LYPD8: variants seen among roughly 807,000 people sequenced by gnomAD.
LYPD8 encodes the protein ly6/PLAUR domain-containing protein 8.
In LYPD8, 8 loss-of-function variants were observed where a neutral mutation model predicts 1.7. The ratio of observed to expected loss-of-function variants is 4.58; its 90% CI spans 2.69 to 8.27. The LOEUF (loss-of-function observed/expected upper bound fraction) is 8.27, where lower values mean the gene tolerates loss of function less well. Ranked by LOEUF, LYPD8 falls within the 30% of genes most tolerant of loss-of-function variation. The pLI is 0.00. For missense variants in LYPD8, 112 were observed against 102.3 expected (o/e 1.09, Z -0.41); for synonymous variants, 50 against 43.6 (o/e 1.15, Z -0.58).
At chr1:248,752,760 ACCACACACC>A (rs1662827604) in intron 2 of LYPD8, among the ~76,000 whole-genome samples, 1 of 82,412 alleles carries the variant, frequency 1.2e-5, no homozygotes, top group African/African-American at 4.4e-5. Flanking sequence ...CCCCACACAC[ACCACACACC>A]CCACACAACA....
intron 4 of LYPD8, 94 bp downstream of exon 4, chr1:248,750,430 C>G: frequency 2.5e-6 from 1 of 397,418 alleles, no homozygotes; most frequent in Non-Finnish European, 4.4e-6. Flanking sequence ...CAGCACGACC[C>G]CTTCTCTGCC....
At chr1:248,746,334 A>G (rs1662725653) in intron 5 of LYPD8, among the ~76,000 whole-genome samples, 1 of 152,204 alleles carries the variant, frequency 6.6e-6, no homozygotes, top group Non-Finnish European at 1.5e-5. Flanking sequence ...TCCCTCTCGC[A>G]CAACTTGCAA....
intron 2 of LYPD8, among the ~76,000 whole-genome samples, chr1:248,754,345 G>A (rs979672736): frequency 0.018 from 2,509 of 141,818 alleles, 61 homozygotes; most frequent in African/African-American, 0.05. Flanking sequence ...CACCACATAC[G>A]CACCACACCA....
Position 248,739,648 on chromosome 1 carries a change from G to T in LYPD8, c.677C>A (p.Ala226Asp). The change falls in exon 7 of 7, where the codon GCC becomes GAC. Residue 226 changes from alanine to aspartate, a missense_variant. By Grantham distance (126) the Ala-to-Asp change is moderately radical. Coordinates refer to ENST00000590317, the MANE Select transcript of LYPD8 (RefSeq NM_001085474.2). The surrounding 1 kb of genome is among the most constrained non-coding windows in gnomAD (Gnocchi z 4.3). ...TCCCCGAAGAAGGAGGCTGGCAAGG[G>T]CCAAGAGGTAGAGGGAAGCTTTGGA... is the stretch of plus-strand genomic sequence containing the variant. The part of the protein sequence containing the change: ...VGSKASLYLL[A>D]LASLLLRGLL... The T allele has an allele frequency of 6.4e-7, 1 of 1,551,750 alleles. No individual in the cohort carries two copies.
intron 6 of LYPD8, among the ~76,000 whole-genome samples, chr1:248,742,619 G>A (rs1553283591): frequency 1.1e-5 from 1 of 89,350 alleles, no homozygotes; most frequent in Non-Finnish European, 2.2e-5. Context: ...TTATGCTCTG[G>A]TGGGGATGTT....
intron 6 of LYPD8, among the ~76,000 whole-genome samples, chr1:248,744,247 T>C (rs1015370593): frequency 2.6e-5 from 4 of 152,204 alleles, no homozygotes; most frequent in Admixed American, 1.3e-4. Flanking sequence ...GTAAGTCACA[T>C]GTTAATGCCA....
chr1:248,752,786 ACACACACACCACACCC>A, intron 2 of LYPD8, among the ~76,000 whole-genome samples: 1 of 72,026 alleles, frequency 1.4e-5, no homozygotes. Flanking sequence ...AACACACACC[ACACACACACCACACCC>A]CACAACACAC....
chr1:248,749,917 T>A (rs935822873), intron 4 of LYPD8, among the ~76,000 whole-genome samples: 1 of 148,684 alleles, frequency 6.7e-6, no homozygotes, highest in African/African-American at 2.5e-5. Flanking sequence ...CCAAAAATAC[T>A]GTAGTAAAAA....
intron 2 of LYPD8, among the ~76,000 whole-genome samples, chr1:248,752,851 AC>A: frequency 1.5e-5 from 1 of 68,536 alleles, no homozygotes; most frequent in Non-Finnish European, 2.7e-5. Flanking sequence ...ACACACACAC[AC>A]CACACCACAC....
rs1297836543 is a variant in LYPD8, at chr1:248,752,938, A to C, written c.-49-1808T>G. On this transcript the variant is annotated intron_variant, in intron 2 of 6. Coordinates refer to ENST00000590317, the MANE Select transcript of LYPD8 (RefSeq NM_001085474.2). ...CACCAACACACCACATCACACACAC[A>C]CCACATCACACACACACCAAACACC... Among the ~76,000 whole-genome samples the C allele has an allele frequency of 5.8e-4, 52 of 89,826 alleles. 3 individuals are homozygous for C. Among genetic ancestry groups the C allele is most frequent in the East Asian group, 2.7e-3 (5 of 1,844 alleles). The allele number at this position is 89,826 out of a possible 152,430, so 58.9% of individuals were successfully genotyped here. A position where few individuals can be genotyped will look rare whatever the true frequency, so the allele number is the denominator to read the frequency against.
intron 6 of LYPD8, among the ~76,000 whole-genome samples, chr1:248,743,745 C>G (rs1662668392): frequency 6.6e-6 from 1 of 152,134 alleles, no homozygotes; most frequent in African/African-American, 2.4e-5. Flanking sequence ...GTGATGCATT[C>G]ACATCCAGGC....
At chr1:248,752,218 C>A (rs1324635063) in intron 2 of LYPD8, among the ~76,000 whole-genome samples, 3 of 152,012 alleles carry the variant, frequency 2.0e-5, no homozygotes, top group Admixed American at 6.5e-5. Context: ...TATTGGCCAA[C>A]GCAGGCACAG....
intron 2 of LYPD8, among the ~76,000 whole-genome samples, chr1:248,754,829 G>A (rs1007437657): frequency 1.3e-4 from 20 of 152,132 alleles, no homozygotes; most frequent in Middle Eastern, 3.4e-3. Flanking sequence ...ACCCCTCCAG[G>A]CCCGGTGCAC....
chr1:248,750,906 T>A, intron 3 of LYPD8, 124 bp downstream of exon 3: 1 of 398,188 alleles, frequency 2.5e-6, no homozygotes. Flanking sequence ...CACGGACAGG[T>A]CTCATGGTCA....
chr1:248,750,338 G>A (rs1662779565), intron 4 of LYPD8, among the ~76,000 whole-genome samples, 186 bp downstream of exon 4: 1 of 152,166 alleles, frequency 6.6e-6, no homozygotes, highest in Non-Finnish European at 1.5e-5. Context: ...CTTTGACCCT[G>A]TGATCTTGTC....
At chr1:248,744,822 T>C (rs1553284023) in intron 6 of LYPD8, among the ~76,000 whole-genome samples, 1 of 152,170 alleles carries the variant, frequency 6.6e-6, no homozygotes, top group African/African-American at 2.4e-5. Flanking sequence ...CCCTCACCTA[T>C]AGAATGATGC....
intron 2 of LYPD8, among the ~76,000 whole-genome samples, chr1:248,753,207 A>AT (rs1558208920): frequency 5.0e-4 from 47 of 93,754 alleles, no homozygotes; most frequent in Non-Finnish European, 6.5e-4. Flanking sequence ...CACCCCACAC[A>AT]ACACACACAC....
At chr1:248,746,650 C>T (rs1662732868) in intron 5 of LYPD8, among the ~76,000 whole-genome samples, 3 of 93,130 alleles carry the variant, frequency 3.2e-5, no homozygotes, top group Non-Finnish European at 4.5e-5. Context: ...GGGCATCGCC[C>T]GCACGGCCAG....
intron 6 of LYPD8, among the ~76,000 whole-genome samples, chr1:248,740,867 G>A (rs1447364923): frequency 2.6e-5 from 4 of 152,122 alleles, no homozygotes; most frequent in East Asian, 3.8e-4. Context: ...GGTGTCTCAC[G>A]CCTGTAATCA....
Sources: allele counts gnomAD v4.1 joint callset (sites outside exome capture counted in the v4.1 genomes callset), GRCh38; gene constraint gnomAD v4.1.1; non-coding constraint Gnocchi (gnomAD v3.1); transcripts MANE v1.5; gene names NCBI Gene and HGNC (gene_info 2026-07-23, HGNC 2026-07-21).